The following SOX5 variants were observed in gnomAD, a reference collection of about 807,000 sequenced individuals.
The protein encoded by SOX5 is transcription factor SOX-5.
A neutral mutation model predicts 92.0 loss-of-function variants in SOX5; 9 were observed. The ratio of observed to expected loss-of-function variants is 0.10; its 90% confidence interval spans 0.06 to 0.17. The LOEUF is 0.17. Ranked by LOEUF, SOX5 falls within the 10% of genes least tolerant of loss-of-function variation. The pLI is 1.00. For missense variants in SOX5, 642 were observed against 944.5 expected, an observed-to-expected ratio of 0.68 and a Z score of 4.20; for synonymous variants, 344 against 336.3, an observed-to-expected ratio of 1.02 and a Z score of -0.25.
intron 1 of SOX5, among the ~76,000 whole-genome samples, chr12:24,549,979 A>G (rs1008480731): frequency 6.6e-6 from 1 of 152,160 alleles, no homozygotes; most frequent in Non-Finnish European, 1.5e-5. Context: ...ATTTTGAGGG[A>G]TGACTTAACA....
At chr12:23,790,989 C>T (rs758697593) in intron 3 of SOX5, among the ~76,000 whole-genome samples, 1 of 152,180 alleles carries the variant, frequency 6.6e-6, no homozygotes, top group Non-Finnish European at 1.5e-5. Context: ...TTCTTCCATT[C>T]TTCCAATGTC....
chr12:23,987,720 G>A (rs1950186026), intron 4 of SOX5, among the ~76,000 whole-genome samples: 1 of 152,200 alleles, frequency 6.6e-6, no homozygotes, highest in Admixed American at 6.5e-5. Context: ...TAGAGCCAAG[G>A]ATGTAGAGGT....
chr12:24,327,332 T>C (rs578080798), intron 2 of SOX5, among the ~76,000 whole-genome samples: 5 of 143,408 alleles, frequency 3.5e-5, no homozygotes, highest in Admixed American at 3.0e-4. Context: ...AAAATGTCCA[T>C]ACAGATGACG....
intron 1 of SOX5, among the ~76,000 whole-genome samples, chr12:24,478,888 C>T (rs1324713511): frequency 6.6e-6 from 1 of 152,242 alleles, no homozygotes; most frequent in African/African-American, 2.4e-5. Flanking sequence ...GAAGGCACCA[C>T]TCATGTGATT....
At chr12:23,719,059 T>C (rs1392535025) in intron 6 of SOX5, among the ~76,000 whole-genome samples, 3 of 152,234 alleles carry the variant, frequency 2.0e-5, no homozygotes, top group African/African-American at 7.2e-5. Context: ...GTTGCATGAA[T>C]ATTGTTATTT....
chr12:23,910,313 G>A (rs2097338076), intron 1 of SOX5, among the ~76,000 whole-genome samples: 1 of 152,132 alleles, frequency 6.6e-6, no homozygotes, highest in Admixed American at 6.6e-5. Flanking sequence ...TACTCAAAGT[G>A]TGTAGCAACT....
intron 2 of SOX5, among the ~76,000 whole-genome samples, chr12:24,322,243 G>C (rs1950273086): frequency 6.6e-6 from 1 of 152,090 alleles, no homozygotes. Context: ...GTAAATCTAA[G>C]ATGAGATGTA....
chr12:24,011,595 T>C (rs2136533268), intron 4 of SOX5, among the ~76,000 whole-genome samples: 1 of 152,322 alleles, frequency 6.6e-6, no homozygotes, highest in Middle Eastern at 3.4e-3. Context: ...AAGTTATTCC[T>C]TTGTGGTAAA....
intron 1 of SOX5, among the ~76,000 whole-genome samples, chr12:24,408,685 A>G (rs1239554539): frequency 6.6e-6 from 1 of 152,226 alleles, no homozygotes; most frequent in Non-Finnish European, 1.5e-5. Flanking sequence ...ATGTATCAAT[A>G]GTTTATTTTT....
At chr12:23,940,460 T>C (rs998753452) in intron 1 of SOX5, among the ~76,000 whole-genome samples, 2 of 151,320 alleles carry the variant, frequency 1.3e-5, no homozygotes, top group East Asian at 1.9e-4. Flanking sequence ...TTCTGACCAC[T>C]AGAGTTAGGA....
At chr12:23,590,488 A>C (rs1349623318) in intron 9 of SOX5, among the ~76,000 whole-genome samples, 2 of 151,858 alleles carry the variant, frequency 1.3e-5, no homozygotes, top group East Asian at 3.9e-4. Context: ...TCCTTCAAAA[A>C]CCTTCTAAAT....
At chr12:23,712,508 A>C (rs992802502) in intron 6 of SOX5, among the ~76,000 whole-genome samples, 1 of 152,190 alleles carries the variant, frequency 6.6e-6, no homozygotes, top group African/African-American at 2.4e-5. Flanking sequence ...ATCTGGAGAA[A>C]ACATATGGTT....
rs548982894 is a variant in SOX5, at chr12:23,834,326, T to C, written c.481+11657A>G. On this transcript the variant is annotated intron_variant, in intron 3 of 14. Transcript: ENST00000451604. ...GGAAAATAAAGTTAAGGGAGAACAA[T>C]AGGGTAGAGTCAGATTACATATGAT... Among the ~76,000 whole-genome samples, 7 of 151,950 alleles carry C rather than the reference T, an allele frequency of 4.6e-5. 1 individual carries two copies. The South Asian group carries it at 1.2e-3, about 27-fold the overall frequency.
intron 4 of SOX5, among the ~76,000 whole-genome samples, chr12:24,126,099 C>A (rs1949078930): frequency 6.6e-6 from 1 of 152,112 alleles, no homozygotes. Context: ...TCTGTAAATC[C>A]ACTTCCCCCT....
intron 1 of SOX5, among the ~76,000 whole-genome samples, chr12:24,541,855 C>T (rs76735453): frequency 0.068 from 10,280 of 152,176 alleles, 465 homozygotes; most frequent in Non-Finnish European, 0.11. Flanking sequence ...ATTTAAACTA[C>T]GATAAATTTA....
At chr12:24,000,306 C>A (rs922475586) in intron 4 of SOX5, among the ~76,000 whole-genome samples, 5 of 151,672 alleles carry the variant, frequency 3.3e-5, no homozygotes, top group Non-Finnish European at 5.9e-5. Context: ...TATTTTCATC[C>A]TTTTCTCTCC....
At position 23,531,950 on chromosome 12, in the gene SOX5, T is replaced by C. The variant is rs1035819714; in HGVS notation, c.*2269A>G. 3 of 150,682 alleles carry C rather than the reference T, an allele frequency of 2.0e-5. No homozygotes were observed. Among genetic ancestry groups the C allele is most frequent in the African/African-American group, 4.9e-5 (2 of 41,106 alleles). The allele number at this position is 150,682 out of a possible 1,614,324, so 9.3% of individuals were successfully genotyped here. On this transcript the variant is annotated 3_prime_UTR_variant, in exon 15 of 15. Transcript: ENST00000451604. ...ATATATGTATATATATATATACATA[T>C]ACATACATATATGAGTTGGAGATGG... is the stretch of plus-strand genomic sequence containing the variant.
chr12:24,540,292 G>A lies in SOX5; in HGVS notation c.-251+22037C>T, dbSNP rs181388785. Among the ~76,000 whole-genome samples, 167 of 135,622 alleles carry A rather than the reference G, an allele frequency of 1.2e-3. 2 individuals are homozygous for A. The highest frequency in any genetic ancestry group is 3.7e-3 in the African/African-American group (118 of 31,874). The allele number at this position is 135,622 out of a possible 152,430, so 89.0% of individuals were successfully genotyped here. ...CATATTCGCATTTTTCTTTGTATAC[G>A]TTGTAAAAACTAATGCAAGGTAATG... On this transcript the variant is annotated intron_variant, in intron 1 of 4. Coordinates refer to the SOX5 transcript ENST00000446891.
intron 1 of SOX5, among the ~76,000 whole-genome samples, chr12:24,456,015 G>A (rs1436502688): frequency 6.6e-6 from 1 of 152,108 alleles, no homozygotes; most frequent in African/African-American, 2.4e-5. Context: ...CCTCTGCCTG[G>A]TACTGGAGAG....
Sources: gnomAD v4.1 joint callset for allele counts (sites outside exome capture counted in the v4.1 genomes callset) on GRCh38, gnomAD v4.1.1 for gene constraint, MANE v1.5 for transcripts, NCBI Gene and HGNC (gene_info 2026-07-23, HGNC 2026-07-21) for gene names.